MLLT10: variants seen among roughly 807,000 people sequenced by gnomAD.
The protein encoded by MLLT10 is MLLT10 histone lysine methyltransferase DOT1L cofactor, also known as protein AF-10.
A neutral mutation model predicts 129.1 loss-of-function variants in MLLT10; 30 were observed. The observed-to-expected ratio is 0.23, with a 90% confidence interval of 0.17 to 0.32. The LOEUF (loss-of-function observed/expected upper bound fraction) is 0.32, where lower values mean the gene tolerates loss of function less well. MLLT10 is among the 10% of genes least tolerant of loss of function. MLLT10 has a pLI of 1.00. For synonymous variants in MLLT10, 490 were observed against 446.4 expected (o/e 1.10, Z -1.23); for missense variants, 1,119 against 1,268.3 (o/e 0.88, Z 1.79).
intron 14 of MLLT10, among the ~76,000 whole-genome samples, chr10:21,720,232 G>A (rs1276414655): frequency 6.6e-6 from 1 of 152,192 alleles, no homozygotes; most frequent in Admixed American, 6.5e-5. Flanking sequence ...AATACGTTAA[G>A]CTCCTAACAA....
Position 21,625,950 on chromosome 10 carries a change from T to C in MLLT10, c.699+8743T>C, listed in dbSNP as rs896008203. ...GGTATTTTACCTACAAACACCTCTG[T>C]TCCAATTCTAGGTTGCACACCAGAG... is the stretch of plus-strand genomic sequence containing the variant. On this transcript the variant is annotated intron_variant, in intron 8 of 22. Transcript: ENST00000307729. 2.0e-5 allele frequency: 16 copies of C among 811,788 alleles called. No homozygotes were observed. The African/African-American group carries it at 2.5e-4, about 13-fold the overall frequency. 50.3% of individuals were successfully genotyped at this position (811,788 alleles called of 1,614,324 possible). A position where few individuals can be genotyped will look rare whatever the true frequency, so the allele number is the denominator to read the frequency against.
chr10:21,640,970 G>T (rs2047944751), intron 8 of MLLT10, among the ~76,000 whole-genome samples: 1 of 152,076 alleles, frequency 6.6e-6, no homozygotes, highest in South Asian at 2.1e-4. Context: ...TGGCTTTAAT[G>T]CTTATTTTTG....
intron 13 of MLLT10, among the ~76,000 whole-genome samples, chr10:21,696,115 A>G (rs1210307120): frequency 6.6e-6 from 1 of 151,940 alleles, no homozygotes; most frequent in African/African-American, 2.4e-5. Flanking sequence ...AAGTTCATAC[A>G]TTATTGAGAC....
chr10:21,570,241 C>CGT (rs1056847774), intron 3 of MLLT10, among the ~76,000 whole-genome samples: 2 of 149,772 alleles, frequency 1.3e-5, no homozygotes, highest in Non-Finnish European at 3.0e-5. Context: ...TGTGTGCGCG[C>CGT]GTGTGTGTGT....
chr10:21,556,585 G>A (rs2038016542), intron 3 of MLLT10: 4 of 1,383,760 alleles, frequency 2.9e-6, no homozygotes, highest in Non-Finnish European at 3.0e-6. Context: ...TAGGGCAGGT[G>A]AGAGCCAGTT....
intron 3 of MLLT10, among the ~76,000 whole-genome samples, chr10:21,567,254 C>A (rs1403260835): frequency 3.9e-5 from 6 of 152,106 alleles, no homozygotes; most frequent in Non-Finnish European, 8.8e-5. Flanking sequence ...GTGTTGGTGC[C>A]ACTTTGTTAA....
Position 21,695,095 on chromosome 10 carries a change from G to A in MLLT10, c.1699+12838G>A, listed in dbSNP as rs187350833. ...TTTTTTTTTTTTGTTTGGAGACAGAGTCTTCCTCTGTCGTCCAAGGCTGGA... is the reference window on the plus strand; with the variant it reads ...TTTTTTTTTTTTGTTTGGAGACAGAATCTTCCTCTGTCGTCCAAGGCTGGA... On this transcript the variant is annotated intron_variant, in intron 13 of 22. Transcript: ENST00000307729. Among the ~76,000 whole-genome samples the A allele has an allele frequency of 1.5e-4, 19 of 130,680 alleles. No individual in the cohort carries two copies. The East Asian group carries it at 4.4e-3, about 30-fold the overall frequency. 85.7% of individuals were successfully genotyped at this position (130,680 alleles called of 152,430 possible). A position where few individuals can be genotyped will look rare whatever the true frequency, so the allele number is the denominator to read the frequency against.
chr10:21,698,546 C>T (rs965261284), intron 13 of MLLT10, among the ~76,000 whole-genome samples: 1 of 152,136 alleles, frequency 6.6e-6, no homozygotes, highest in Non-Finnish European at 1.5e-5. Context: ...GTGCAGGTAA[C>T]CCTTTGATAT....
chr10:21,713,532 C>T (rs1200021408), intron 13 of MLLT10, among the ~76,000 whole-genome samples: 1 of 152,218 alleles, frequency 6.6e-6, no homozygotes, highest in Non-Finnish European at 1.5e-5. Flanking sequence ...TTTCTGCTAT[C>T]CCCTGCTTTT....
intron 13 of MLLT10, chr10:21,708,573 T>G (rs1021786454): frequency 5.2e-5 from 48 of 918,066 alleles, no homozygotes; most frequent in Middle Eastern, 5.5e-4. Flanking sequence ...TGTGTGTGTG[T>G]TTTTTTTTTA....
At chr10:21,614,232 A>G (rs1034764714) in intron 6 of MLLT10, among the ~76,000 whole-genome samples, 6 of 151,614 alleles carry the variant, frequency 4.0e-5, no homozygotes, top group Non-Finnish European at 2.9e-5. Flanking sequence ...TTTCAAAAAA[A>G]AAAAAAAAAA....
At position 21,555,697 on chromosome 10, in the gene MLLT10, G is replaced by A. The variant is rs192136321; in HGVS notation, c.240+16785G>A. ...ACAATTTTTTTTTTTTTTTTTTTGA[G>A]AGGGAGTTTCACTCTTGTTGCCCAG... On this transcript the variant is annotated intron_variant, in intron 3 of 22. Transcript: ENST00000307729. Among the ~76,000 whole-genome samples the A allele has an allele frequency of 1.0e-3, 146 of 141,370 alleles. 1 individual carries two copies. The highest frequency in any genetic ancestry group is 3.7e-3 in the African/African-American group (140 of 38,320). 92.7% of individuals were successfully genotyped at this position (141,370 alleles called of 152,430 possible).
chr10:21,707,635 C>T (rs987425541), intron 13 of MLLT10, among the ~76,000 whole-genome samples: 4 of 152,190 alleles, frequency 2.6e-5, no homozygotes, highest in Non-Finnish European at 5.9e-5. Context: ...CCACTCATCC[C>T]CGTCAGTCCC....
rs186016083 is a variant in MLLT10, at chr10:21,678,804, G to A, written c.1622-2528G>A. 4.2e-3 allele frequency among the ~76,000 whole-genome samples: 642 copies of A among 152,196 alleles called. 6 individuals are homozygous for A. The highest frequency in any genetic ancestry group is 0.015 in the African/African-American group (608 of 41,514). On this transcript the variant is annotated intron_variant, in intron 11 of 22. Coordinates refer to ENST00000307729, the MANE Select transcript of MLLT10 (RefSeq NM_001195626.3). ...CTAATATAATCTCTTATTTGAGTAC[G>A]TTTAAGTTTCTTAGGAACTCTTTAG...
At chr10:21,703,401 G>T (rs2055120300) in intron 13 of MLLT10, among the ~76,000 whole-genome samples, 1 of 151,914 alleles carries the variant, frequency 6.6e-6, no homozygotes, top group Non-Finnish European at 1.5e-5. Flanking sequence ...TAGGTGACTG[G>T]ATACCTTTCT....
chr10:21,584,822 A>G (rs748377854), intron 3 of MLLT10, among the ~76,000 whole-genome samples: 6 of 151,700 alleles, frequency 4.0e-5, no homozygotes, highest in Non-Finnish European at 5.9e-5. Flanking sequence ...ATACACATAC[A>G]TATGTATGTA....
chr10:21,636,859 A>T, intron 8 of MLLT10, among the ~76,000 whole-genome samples: 1 of 152,196 alleles, frequency 6.6e-6, no homozygotes, highest in East Asian at 1.9e-4. Flanking sequence ...TGCATTCACT[A>T]TAATATGGTA....
chr10:21,702,345 T>A (rs912856046), intron 13 of MLLT10, among the ~76,000 whole-genome samples: 2 of 152,212 alleles, frequency 1.3e-5, no homozygotes, highest in African/African-American at 4.8e-5. Context: ...TAAAGATTTG[T>A]TTTGTGTCCT....
At chr10:21,586,997 T>G (rs1387208517) in intron 4 of MLLT10, among the ~76,000 whole-genome samples, 25 of 152,056 alleles carry the variant, frequency 1.6e-4, no homozygotes, top group African/African-American at 5.6e-4. Flanking sequence ...TAAAATCTGT[T>G]GTTTTAGATT....
Sources: gnomAD v4.1 joint callset for allele counts (sites outside exome capture counted in the v4.1 genomes callset) on GRCh38, gnomAD v4.1.1 for gene constraint, MANE v1.5 for transcripts, NCBI Gene and HGNC (gene_info 2026-07-23, HGNC 2026-07-21) for gene names.